TUSC3: variants seen among roughly 807,000 people sequenced by gnomAD.
TUSC3 encodes dolichyl-diphosphooligosaccharide--protein glycosyltransferase subunit TUSC3.
TUSC3 carries 45 observed loss-of-function variants against 44.8 expected under a neutral mutation model. The ratio of observed to expected loss-of-function variants is 1.00; its 90% CI spans 0.79 to 1.29. The LOEUF (loss-of-function observed/expected upper bound fraction) is 1.29. TUSC3 is among the 50% of genes most tolerant of loss of function. The pLI is 0.00. For missense variants in TUSC3, 519 were observed against 437.9 expected (o/e 1.19, Z -1.65); for synonymous variants, 212 against 152.9 (o/e 1.39, Z -2.85).
At chr8:15,767,239 T>G (rs1280885648), downstream of TUSC3, among the ~76,000 whole-genome samples, 1 of 152,086 alleles carries the variant, frequency 6.6e-6, no homozygotes, top group Non-Finnish European at 1.5e-5. Context: ...TGCATATATT[T>G]ATATCATATA....
the TUSC3 span, among the ~76,000 whole-genome samples, chr8:15,812,639 G>C: frequency 6.6e-6 from 1 of 152,204 alleles, no homozygotes. Context: ...ACTGGGGATG[G>C]AGGACAGTGG....
chr8:15,778,086 C>G, the TUSC3 span, among the ~76,000 whole-genome samples: 1 of 144,518 alleles, frequency 6.9e-6, no homozygotes, highest in Middle Eastern at 3.5e-3. Context: ...GACTCAGAGC[C>G]CACACTTTAA....
intron 2 of TUSC3, among the ~76,000 whole-genome samples, chr8:15,496,655 G>GA (rs1382966191): frequency 2.6e-5 from 4 of 152,116 alleles, no homozygotes; most frequent in African/African-American, 9.7e-5. Context: ...TGGGGAGTAG[G>GA]AACAGACCCT....
intron 2 of TUSC3, among the ~76,000 whole-genome samples, chr8:15,503,721 G>A (rs557501381): frequency 9.2e-5 from 14 of 151,594 alleles, no homozygotes; most frequent in South Asian, 4.2e-4. Context: ...AAAAAATATC[G>A]GCCAGCCACA....
intron 1 of TUSC3, among the ~76,000 whole-genome samples, chr8:15,472,667 C>T (rs770312052): frequency 2.6e-5 from 4 of 152,148 alleles, no homozygotes; most frequent in Non-Finnish European, 5.9e-5. Flanking sequence ...ATTATAAGAA[C>T]ATAGTTTGCC....
intron 1 of TUSC3, among the ~76,000 whole-genome samples, chr8:15,593,013 G>T (rs1269349532): frequency 1.3e-5 from 2 of 152,098 alleles, no homozygotes; most frequent in African/African-American, 4.8e-5. Context: ...TTGGGGGTAT[G>T]AACATTTTTG....
intron 1 of TUSC3, among the ~76,000 whole-genome samples, chr8:15,578,748 T>C (rs1034375097): frequency 6.6e-6 from 1 of 152,124 alleles, no homozygotes; most frequent in Non-Finnish European, 1.5e-5. Context: ...TGCATCAATG[T>C]TCATCAAGGA....
At chr8:15,685,106 C>T (rs901645962) in intron 6 of TUSC3, among the ~76,000 whole-genome samples, 9 of 152,114 alleles carry the variant, frequency 5.9e-5, no homozygotes, top group Admixed American at 3.3e-4. Flanking sequence ...AGCTGCACTG[C>T]GTAGTGAAAC....
intron 1 of TUSC3, among the ~76,000 whole-genome samples, chr8:15,433,212 C>G (rs1413457003): frequency 6.6e-6 from 1 of 151,928 alleles, no homozygotes; most frequent in Non-Finnish European, 1.5e-5. Flanking sequence ...GAGAAAAGTT[C>G]TTTTCCATTG....
chr8:15,546,521 T>G (rs903977655), intron 1 of TUSC3, among the ~76,000 whole-genome samples: 1 of 151,732 alleles, frequency 6.6e-6, no homozygotes, highest in Non-Finnish European at 1.5e-5. Flanking sequence ...AAGATGTTAT[T>G]CAGAAGAATA....
intron 1 of TUSC3, among the ~76,000 whole-genome samples, chr8:15,446,792 A>C (rs1162344677): frequency 2.6e-5 from 4 of 151,410 alleles, no homozygotes; most frequent in African/African-American, 9.7e-5. Flanking sequence ...CTTTAAGAAT[A>C]ATTTACAGAT....
chr8:15,563,468 A>G (rs1010067357), intron 1 of TUSC3, among the ~76,000 whole-genome samples: 2 of 152,066 alleles, frequency 1.3e-5, no homozygotes, highest in African/African-American at 4.8e-5. Context: ...TGGGCGGATC[A>G]CAAGGTCAGG....
intron 1 of TUSC3, among the ~76,000 whole-genome samples, chr8:15,542,559 G>A (rs1219655511): frequency 6.6e-6 from 1 of 151,216 alleles, no homozygotes; most frequent in East Asian, 1.9e-4. Context: ...TTTGTTTTTC[G>A]TTTACAAGGG....
chr8:15,587,333 C>T (rs565522329), intron 1 of TUSC3, among the ~76,000 whole-genome samples: 4 of 152,226 alleles, frequency 2.6e-5, no homozygotes, highest in African/African-American at 7.2e-5. Context: ...GTACCTTTTG[C>T]ACTTAAGGCA....
At chr8:15,442,710 C>G (rs1229132901) in intron 1 of TUSC3, among the ~76,000 whole-genome samples, 1 of 152,106 alleles carries the variant, frequency 6.6e-6, no homozygotes, top group Non-Finnish European at 1.5e-5. Flanking sequence ...GATAGGAAGA[C>G]AGAATCATCC....
At chr8:15,430,171 C>T (rs1378259739) in intron 1 of TUSC3, among the ~76,000 whole-genome samples, 1 of 137,804 alleles carries the variant, frequency 7.3e-6, no homozygotes, top group South Asian at 2.4e-4. Context: ...AGAGACACAA[C>T]AAAAAAAAGA....
chr8:15,684,090 C>T (rs920186867), intron 6 of TUSC3, among the ~76,000 whole-genome samples: 1 of 141,530 alleles, frequency 7.1e-6, no homozygotes, highest in Non-Finnish European at 1.5e-5. Context: ...CTGCATTCAC[C>T]GTAGTGCTCT....
the TUSC3 span, among the ~76,000 whole-genome samples, chr8:15,819,074 AT>A: frequency 6.6e-6 from 1 of 151,400 alleles, no homozygotes; most frequent in African/African-American, 2.4e-5. Context: ...GAAAAAAAAA[AT>A]TATTTTATCT....
intron 5 of TUSC3, 74 bp downstream of exon 5, chr8:15,662,370 A>G (rs1332756405): frequency 1.9e-6 from 3 of 1,585,892 alleles, no homozygotes; most frequent in Non-Finnish European, 1.7e-6. Flanking sequence ...TATTAACAAA[A>G]TGAGCCAGAT....
Sources: allele counts gnomAD v4.1 joint callset (sites outside exome capture counted in the v4.1 genomes callset), GRCh38; gene constraint gnomAD v4.1.1; transcripts MANE v1.5; gene names NCBI Gene and HGNC (gene_info 2026-07-23, HGNC 2026-07-21).